The following SLC9D1 variants were observed in gnomAD, a reference collection of about 807,000 sequenced individuals.
SLC9D1 encodes the protein solute carrier family 9 member D1.
At chr13:113,545,295 G>A in the SLC9D1 span, among the ~76,000 whole-genome samples, 6 of 134,074 alleles carry the variant, frequency 4.5e-5, no homozygotes, top group Non-Finnish European at 6.3e-5. Flanking sequence ...TTGAAACATC[G>A]AGCTGGGTCC....
chr13:113,495,480 T>C, the SLC9D1 span: 22,334 of 789,464 alleles, frequency 0.028, 514 homozygotes, highest in East Asian at 0.093. Context: ...TTTAACTATG[T>C]GTGACAATAA....
chr13:113,525,758 G>A, the SLC9D1 span, among the ~76,000 whole-genome samples: 4 of 151,586 alleles, frequency 2.6e-5, no homozygotes, highest in Non-Finnish European at 4.4e-5. Context: ...ACAAGCCATC[G>A]TCGTCGTAGG....
At chr13:113,536,309 C>T in the SLC9D1 span, among the ~76,000 whole-genome samples, 2 of 149,710 alleles carry the variant, frequency 1.3e-5, no homozygotes, top group Middle Eastern at 7.0e-3. Context: ...ACCCAGGAGG[C>T]AGAGGCAGAG....
the SLC9D1 span, chr13:113,510,319 C>T: frequency 4.6e-5 from 74 of 1,614,174 alleles, no homozygotes; most frequent in African/African-American, 4.4e-4. Context: ...GCATCTCTTG[C>T]GGATCAAACC....
At chr13:113,515,608 G>T in the SLC9D1 span, among the ~76,000 whole-genome samples, 1 of 152,054 alleles carries the variant, frequency 6.6e-6, no homozygotes, top group African/African-American at 2.4e-5. Flanking sequence ...AACAAGGTAA[G>T]TGGCTGGGCA....
chr13:113,535,397 A>G, the SLC9D1 span: 3 of 152,090 alleles, frequency 2.0e-5, no homozygotes, highest in Middle Eastern at 3.4e-3. This position sits in a 1 kb window ranked among gnomAD's most constrained non-coding sequence, Gnocchi z 4.1. Flanking sequence ...CACCGTCACC[A>G]TTGTCCCAAC....
At chr13:113,542,642 C>T in the SLC9D1 span, among the ~76,000 whole-genome samples, 2 of 152,178 alleles carry the variant, frequency 1.3e-5, no homozygotes, top group East Asian at 3.9e-4. Flanking sequence ...TCTCCCTTGT[C>T]AGGGTCTGTG....
the SLC9D1 span, among the ~76,000 whole-genome samples, chr13:113,522,213 T>G: frequency 1.3e-5 from 2 of 152,264 alleles, no homozygotes; most frequent in Non-Finnish European, 2.9e-5. Flanking sequence ...AGACTCTCTT[T>G]GTCAAGCTGA....
the SLC9D1 span, among the ~76,000 whole-genome samples, chr13:113,533,628 G>A: frequency 2.6e-5 from 4 of 152,182 alleles, no homozygotes; most frequent in African/African-American, 4.8e-5. Context: ...TGGCTGCCTC[G>A]GGAGTGCCTT....
the SLC9D1 span, among the ~76,000 whole-genome samples, chr13:113,539,106 G>T: frequency 6.6e-6 from 1 of 152,194 alleles, no homozygotes; most frequent in Non-Finnish European, 1.5e-5. The surrounding 1 kb of genome is among the most constrained non-coding windows in gnomAD (Gnocchi z 4.8). Context: ...AGCGCAATCT[G>T]TATGGATATT....
the SLC9D1 span, chr13:113,534,896 A>G: frequency 6.6e-6 from 1 of 152,232 alleles, no homozygotes; most frequent in Non-Finnish European, 1.5e-5. Context: ...CCTGGCTAAC[A>G]TGATGAAACC....
the SLC9D1 span, among the ~76,000 whole-genome samples, chr13:113,492,752 G>C: frequency 2.0e-5 from 3 of 152,172 alleles, no homozygotes; most frequent in Non-Finnish European, 4.4e-5. Context: ...ACAAAAATTA[G>C]CTGGGTGTGG....
At chr13:113,496,311 C>T in the SLC9D1 span, among the ~76,000 whole-genome samples, 20 of 152,334 alleles carry the variant, frequency 1.3e-4, no homozygotes, top group East Asian at 3.5e-3. Flanking sequence ...ATAGAGAAAT[C>T]CCCTGGTAAT....
the SLC9D1 span, among the ~76,000 whole-genome samples, chr13:113,544,703 C>A: frequency 6.6e-6 from 1 of 152,240 alleles, no homozygotes; most frequent in Admixed American, 6.5e-5. Flanking sequence ...ATGGTGCCTC[C>A]TGGCTGTGTC....
At chr13:113,522,460 C>T in the SLC9D1 span, among the ~76,000 whole-genome samples, 1 of 152,212 alleles carries the variant, frequency 6.6e-6, no homozygotes, top group Admixed American at 6.5e-5. Flanking sequence ...CCTGCCTCAG[C>T]CTCTGGAGTA....
At chr13:113,497,770 T>C in the SLC9D1 span, among the ~76,000 whole-genome samples, 4 of 152,378 alleles carry the variant, frequency 2.6e-5, no homozygotes, top group Non-Finnish European at 5.9e-5. Context: ...TGCTCTGGCC[T>C]TGTCCCACCC....
the SLC9D1 span, chr13:113,520,618 G>A: frequency 8.2e-5 from 132 of 1,608,988 alleles, 2 homozygotes; most frequent in Middle Eastern, 8.3e-4. Context: ...CCCCACAGGC[G>A]ACATTGACTA....
At chr13:113,509,992 G>A in the SLC9D1 span, among the ~76,000 whole-genome samples, 12 of 152,170 alleles carry the variant, frequency 7.9e-5, no homozygotes, top group Non-Finnish European at 1.8e-4. Context: ...TGAGGATTAG[G>A]TTCTATTCAC....
the SLC9D1 span, among the ~76,000 whole-genome samples, chr13:113,532,720 CCTCT>C: frequency 6.6e-6 from 1 of 152,166 alleles, no homozygotes; most frequent in African/African-American, 2.4e-5. Flanking sequence ...CAGAAAGGGG[CCTCT>C]CTCTGAGTCG....
Sources: gnomAD v4.1 joint callset for allele counts (sites outside exome capture counted in the v4.1 genomes callset) on GRCh38, gnomAD v4.1.1 for gene constraint, Gnocchi (gnomAD v3.1) non-coding constraint, MANE v1.5 for transcripts, NCBI Gene and HGNC (gene_info 2026-07-23, HGNC 2026-07-21) for gene names.